Variants in DHX29 observed in about 807,000 individuals in gnomAD.
The protein encoded by DHX29 is DExH-box helicase 29.
In DHX29, 79 loss-of-function variants were observed where a neutral mutation model predicts 167.9. The observed-to-expected ratio is 0.47, with a 90% CI of 0.39 to 0.57. DHX29 has a LOEUF of 0.57. Ranked by LOEUF, DHX29 falls within the 20% of genes least tolerant of loss-of-function variation. The pLI, the probability that DHX29 is intolerant of heterozygous loss-of-function variation, is 0.00. For missense variants in DHX29, 1,347 were observed against 1,593.4 expected (o/e 0.85, Z 2.63); for synonymous variants, 530 against 546.0 (o/e 0.97, Z 0.41).
chr5:55,295,329 G>A (rs756661940), intron 5 of DHX29, 50 bp downstream of exon 5: 2 of 1,366,472 alleles, frequency 1.5e-6, no homozygotes, highest in South Asian at 2.4e-5. Flanking sequence ...ACTGTTACAT[G>A]TGCTCCATTC....
chr5:55,284,478 T>G (rs1362454952), intron 10 of DHX29, among the ~76,000 whole-genome samples: 1 of 152,210 alleles, frequency 6.6e-6, no homozygotes, highest in East Asian at 1.9e-4. Context: ...TGCCTTATTT[T>G]GCAAAATAAG....
At chr5:55,298,736 A>G in intron 1 of DHX29, 72 bp from the exon 2 acceptor site, 1 of 800,670 alleles carries the variant, frequency 1.2e-6, no homozygotes, top group Non-Finnish European at 2.1e-6. Flanking sequence ...CCTCTAAAGA[A>G]TGCTAAATAT....
intron 7 of DHX29, 72 bp downstream of exon 7, chr5:55,290,146 T>A: frequency 6.6e-7 from 1 of 1,507,582 alleles, no homozygotes; most frequent in Non-Finnish European, 8.9e-7. Flanking sequence ...AAAGGAAGCA[T>A]CATCCATCCC....
intron 6 of DHX29, among the ~76,000 whole-genome samples, chr5:55,291,716 C>T (rs759013825): frequency 3.3e-5 from 5 of 152,228 alleles, no homozygotes; most frequent in Admixed American, 6.5e-5. Flanking sequence ...AACCACCATT[C>T]TACTTTGTCT....
At chr5:55,273,228 G>A in intron 17 of DHX29, 65 bp downstream of exon 17, 1 of 1,475,790 alleles carries the variant, frequency 6.8e-7, no homozygotes, top group South Asian at 1.5e-5. Context: ...ATGATAAAAA[G>A]TTATACGGCC....
chr5:55,283,792 G>A lies in DHX29; in HGVS notation c.1376C>T (p.Pro459Leu). ...VKGQSVHQLL[P>L]PTYRDVWLEW... ...CAGCCAAACATCTCGGTAAGTGGGA[G>A]GAAGTAACTGATGAACTGACTAAAG... Residue 459 changes from proline (P) to leucine (L), a missense_variant, in exon 11 of 27, where the codon CCT becomes CTT. Transcript: ENST00000251636. 6.3e-7 allele frequency: 1 copy of A among 1,598,866 alleles called. No individual in the cohort carries two copies. Among genetic ancestry groups the A allele is most frequent in the Non-Finnish European group, 8.5e-7 (1 of 1,174,074 alleles).
chr5:55,263,287 A>C (rs1419804994), intron 23 of DHX29, among the ~76,000 whole-genome samples: 1 of 152,200 alleles, frequency 6.6e-6, no homozygotes, highest in Non-Finnish European at 1.5e-5. Context: ...GCATTGAGAA[A>C]GAATTGACAG....
At chr5:55,277,017 G>T in intron 13 of DHX29, 89 bp downstream of exon 13, 1 of 884,412 alleles carries the variant, frequency 1.1e-6, no homozygotes, top group African/African-American at 1.7e-5. Context: ...GAATAGTTCT[G>T]GCCTCTGACT....
At chr5:55,306,206 G>T (rs1286511412) in intron 1 of DHX29, among the ~76,000 whole-genome samples, 1 of 152,120 alleles carries the variant, frequency 6.6e-6, no homozygotes, top group Non-Finnish European at 1.5e-5. Flanking sequence ...GTAAAGGTCT[G>T]GTACCTGCCT....
At chr5:55,276,487 C>T (rs1747123466) in intron 13 of DHX29, 81 bp from the exon 14 acceptor site, 3 of 1,070,446 alleles carry the variant, frequency 2.8e-6, no homozygotes, top group Non-Finnish European at 4.0e-6. Flanking sequence ...GGGGACACCA[C>T]CTTTTGAATG....
Position 55,281,464 on chromosome 5 carries a change from T to C in DHX29, c.2017A>G (p.Thr673Ala), listed in dbSNP as rs1241881415. 3.8e-6 allele frequency: 6 copies of C among 1,597,264 alleles called. No individual in the cohort carries two copies. The highest frequency in any genetic ancestry group is 4.3e-6 in the Non-Finnish European group (5 of 1,171,800). The change falls in exon 12 of 27, where the codon ACC becomes GCC. Residue 673 changes from threonine to alanine, a missense_variant. This residue lies in a region of DHX29 where 882 missense variants were observed against 1,082.4 expected (regional missense o/e 0.81). Coordinates refer to ENST00000251636, the MANE Select transcript of DHX29 (RefSeq NM_019030.4). ...CCTGTTGTACAATAGAGTAACCTGG[T>C]AGATTCACAAGCTCGAGATTCCATC... ...IRMESRACES[T>A]RLLYCTTGVL...
Position 55,289,343 on chromosome 5 carries a change from T to C in DHX29, c.993A>G (p.Val331=), listed in dbSNP as rs750255064. Residue 331 remains valine (V), a synonymous_variant, in exon 8 of 27, where the codon GTA becomes GTG. Coordinates refer to ENST00000251636, the MANE Select transcript of DHX29 (RefSeq NM_019030.4). ...HQQNERKKPP[V]ATEGESALNF... ...TCAATGCACTTTCTCCTTCTGTGGC[T>C]ACAGGAGGCTTTTTCCTTTCATTTT... 2.5e-6 allele frequency: 4 copies of C among 1,601,750 alleles called. No individual in the cohort carries two copies. In the Admixed American group the frequency reaches 7.0e-5, roughly 28 times the overall value.
At chr5:55,286,809 T>C (rs1033608972) in intron 8 of DHX29, among the ~76,000 whole-genome samples, 1 of 152,252 alleles carries the variant, frequency 6.6e-6, no homozygotes, top group African/African-American at 2.4e-5. Flanking sequence ...AGTACAGATA[T>C]AGAACATTTC....
intron 5 of DHX29, 88 bp downstream of exon 5, chr5:55,295,291 A>T: frequency 9.7e-7 from 1 of 1,025,830 alleles, no homozygotes; most frequent in African/African-American, 1.6e-5. Flanking sequence ...TAAAAATGTT[A>T]TAGAAACCTA....
At chr5:55,276,134 TTCTC>T (rs1198791484) in intron 14 of DHX29, 128 bp downstream of exon 14, 6 of 725,658 alleles carry the variant, frequency 8.3e-6, no homozygotes. Context: ...AATTTGTTCA[TTCTC>T]AGATCTGTTC....
chr5:55,273,191 G>A (rs1263437276), intron 17 of DHX29, 102 bp downstream of exon 17: 3 of 1,255,506 alleles, frequency 2.4e-6, no homozygotes, highest in Non-Finnish European at 3.2e-6. Flanking sequence ...TGCGCTATAA[G>A]GCACTTAATG....
chr5:55,260,068 A>G (rs1746237145), intron 25 of DHX29, 124 bp from the exon 26 acceptor site: 1 of 509,874 alleles, frequency 2.0e-6, no homozygotes. Flanking sequence ...TGGAAAACAC[A>G]ATGGGAAAAA....
intron 5 of DHX29, among the ~76,000 whole-genome samples, chr5:55,294,616 A>G (rs1748216763): frequency 6.6e-6 from 1 of 152,204 alleles, no homozygotes; most frequent in Non-Finnish European, 1.5e-5. Context: ...CGGAGCTTGC[A>G]GTGAGCCGAG....
chr5:55,281,064 C>T (rs943779787), intron 12 of DHX29, among the ~76,000 whole-genome samples: 30 of 140,258 alleles, frequency 2.1e-4, no homozygotes, highest in Admixed American at 1.3e-3. Flanking sequence ...TATGTATATA[C>T]ACACACACAC....
Sources: allele counts gnomAD v4.1 joint callset (sites outside exome capture counted in the v4.1 genomes callset), GRCh38; gene constraint gnomAD v4.1.1; regional missense constraint gnomAD v4.1.1; transcripts MANE v1.5; gene names NCBI Gene and HGNC (gene_info 2026-07-23, HGNC 2026-07-21).